Variants in TMEM178A observed in about 807,000 individuals in gnomAD.
The protein encoded by TMEM178A is transmembrane protein 178.
In TMEM178A, 12 loss-of-function variants were observed where a neutral mutation model predicts 29.1. That is an observed-to-expected ratio of 0.41 (90% CI 0.26 to 0.67). The LOEUF is 0.67. Among genes scored for constraint, TMEM178A ranks in the 30% least tolerant of loss-of-function variants. The pLI is 0.29. For synonymous variants in TMEM178A, 210 were observed against 187.2 expected (o/e 1.12, Z -0.99); for missense variants, 366 against 419.1 (o/e 0.87, Z 1.11).
chr2:39,668,721 C>G (rs1253538620), intron 1 of TMEM178A, among the ~76,000 whole-genome samples: 1 of 152,162 alleles, frequency 6.6e-6, no homozygotes, highest in South Asian at 2.1e-4. Context: ...TGGGAGATGT[C>G]CAGAAATGCC....
chr2:39,704,029 A>G, intron 1 of TMEM178A, 52 bp from the exon 2 acceptor site: 1 of 1,528,224 alleles, frequency 6.5e-7, no homozygotes. Flanking sequence ...AGGTCTCAGA[A>G]TTCTGTTACA....
At chr2:39,699,709 A>C (rs1671699978) in intron 1 of TMEM178A, among the ~76,000 whole-genome samples, 1 of 152,136 alleles carries the variant, frequency 6.6e-6, no homozygotes, top group Non-Finnish European at 1.5e-5. Context: ...CTCCCACCTC[A>C]GCTTCTCAAG....
chr2:39,678,952 G>A (rs1392944789), intron 1 of TMEM178A, among the ~76,000 whole-genome samples: 1 of 152,200 alleles, frequency 6.6e-6, no homozygotes, highest in African/African-American at 2.4e-5. Flanking sequence ...CATCTGGACA[G>A]CATCTACTTT....
At chr2:39,670,152 G>C (rs1670350618) in intron 1 of TMEM178A, among the ~76,000 whole-genome samples, 1 of 152,184 alleles carries the variant, frequency 6.6e-6, no homozygotes, top group Non-Finnish European at 1.5e-5. Context: ...AAAGCTTAGG[G>C]CTTCAGGTAC....
chr2:39,668,308 GT>G (rs1670262238), intron 1 of TMEM178A, among the ~76,000 whole-genome samples: 1 of 152,132 alleles, frequency 6.6e-6, no homozygotes, highest in African/African-American at 2.4e-5. Flanking sequence ...TCATATACTC[GT>G]TAAAAGAACT....
chr2:39,682,658 A>C (rs971600903), intron 1 of TMEM178A, among the ~76,000 whole-genome samples: 2 of 151,970 alleles, frequency 1.3e-5, no homozygotes, highest in Non-Finnish European at 2.9e-5. Context: ...CCTTTGAGAT[A>C]TTTTTCTGTG....
the TMEM178A span, among the ~76,000 whole-genome samples, chr2:39,725,578 C>T: frequency 2.0e-5 from 3 of 152,142 alleles, no homozygotes; most frequent in Admixed American, 6.5e-5. Context: ...GCTGTGTTCA[C>T]TTGGTTGGCA....
intron 1 of TMEM178A, among the ~76,000 whole-genome samples, chr2:39,667,648 G>A (rs373409523): frequency 7.9e-5 from 12 of 152,280 alleles, no homozygotes; most frequent in African/African-American, 2.4e-4. Context: ...GCTAGTTGGC[G>A]GATTCTTCAT....
intron 1 of TMEM178A, among the ~76,000 whole-genome samples, chr2:39,673,370 A>G (rs1670483862): frequency 6.6e-6 from 1 of 152,236 alleles, no homozygotes; most frequent in Admixed American, 6.5e-5. Flanking sequence ...AATACAAACC[A>G]TATTTAAGTT....
At chr2:39,681,990 C>T (rs1036401182) in intron 1 of TMEM178A, among the ~76,000 whole-genome samples, 2 of 152,142 alleles carry the variant, frequency 1.3e-5, no homozygotes, top group Non-Finnish European at 2.9e-5. Context: ...CTTCCTGCTC[C>T]CTGTGGGACA....
chr2:39,708,790 G>T (rs1483278198), intron 3 of TMEM178A, among the ~76,000 whole-genome samples: 1 of 152,086 alleles, frequency 6.6e-6, no homozygotes, highest in Non-Finnish European at 1.5e-5. Context: ...ACAGCTAAAG[G>T]GTAGTTTTGT....
intron 2 of TMEM178A, among the ~76,000 whole-genome samples, chr2:39,705,035 T>C (rs981305593): frequency 2.0e-5 from 3 of 152,224 alleles, no homozygotes; most frequent in Admixed American, 1.3e-4. Context: ...AGAGCAGTGG[T>C]CTAATATACA....
At chr2:39,666,479 C>G (rs1670166506) in intron 1 of TMEM178A, 105 bp downstream of exon 1, 1 of 973,764 alleles carries the variant, frequency 1.0e-6, no homozygotes, top group Admixed American at 4.8e-5. Flanking sequence ...AGCCGCGGCC[C>G]CGCGCCTGGG....
chr2:39,677,501 A>C (rs914863400), intron 1 of TMEM178A, among the ~76,000 whole-genome samples: 3 of 152,156 alleles, frequency 2.0e-5, no homozygotes, highest in African/African-American at 7.2e-5. Flanking sequence ...GAAATTAAAC[A>C]ATTCTAATTT....
chr2:39,704,238 C>G (rs1671929154), intron 2 of TMEM178A, 44 bp downstream of exon 2: 1 of 1,557,504 alleles, frequency 6.4e-7, no homozygotes, highest in Non-Finnish European at 8.8e-7. Context: ...TGGTGTCATT[C>G]TGAACAAAAT....
At chr2:39,730,661 G>C in the TMEM178A span, among the ~76,000 whole-genome samples, 1 of 152,190 alleles carries the variant, frequency 6.6e-6, no homozygotes, top group Non-Finnish European at 1.5e-5. Flanking sequence ...CCATGAGATG[G>C]AGAGACCAAT....
chr2:39,680,623 C>G (rs1670827866), intron 1 of TMEM178A, among the ~76,000 whole-genome samples: 1 of 152,112 alleles, frequency 6.6e-6, no homozygotes, highest in South Asian at 2.1e-4. Flanking sequence ...AATTAGAGTT[C>G]ATAGTAGAGA....
At chr2:39,677,167 C>G (rs549224095) in intron 1 of TMEM178A, among the ~76,000 whole-genome samples, 4 of 152,252 alleles carry the variant, frequency 2.6e-5, no homozygotes, top group African/African-American at 9.6e-5. Flanking sequence ...CCCATTCCCC[C>G]ACCCCTGGAT....
At chr2:39,699,106 A>G (rs1172437095) in intron 1 of TMEM178A, among the ~76,000 whole-genome samples, 2 of 150,466 alleles carry the variant, frequency 1.3e-5, no homozygotes, top group African/African-American at 4.9e-5. Context: ...GCTTACTGCA[A>G]CCTCTGCCTC....
Sources: allele counts gnomAD v4.1 joint callset (sites outside exome capture counted in the v4.1 genomes callset), GRCh38; gene constraint gnomAD v4.1.1; transcripts MANE v1.5; gene names NCBI Gene and HGNC (gene_info 2026-07-23, HGNC 2026-07-21).